The following MCPH1 variants were observed in gnomAD, a reference collection of about 807,000 sequenced individuals.
MCPH1 encodes the protein microcephalin.
MCPH1 carries 104 observed loss-of-function variants against 84.5 expected under a neutral mutation model. The ratio of observed to expected loss-of-function variants is 1.23; its 90% CI spans 1.05 to 1.45. The LOEUF is 1.45. Ranked by LOEUF, MCPH1 falls within the 40% of genes most tolerant of loss-of-function variation. The pLI, the probability that MCPH1 is intolerant of heterozygous loss-of-function variation, is 0.00. For synonymous variants in MCPH1, 514 were observed against 366.8 expected (o/e 1.40, Z -4.58); for missense variants, 1,498 against 1,005.7 (o/e 1.49, Z -6.62).
intron 12 of MCPH1, among the ~76,000 whole-genome samples, chr8:6,590,209 A>C (rs370742147): frequency 0.12 from 18,455 of 151,700 alleles, 1,202 homozygotes; most frequent in African/African-American, 0.15. Context: ...GAACAACAAA[A>C]AAAAAAAAAT....
intron 11 of MCPH1, among the ~76,000 whole-genome samples, chr8:6,485,386 T>C (rs1357387670): frequency 1.3e-5 from 2 of 152,150 alleles, no homozygotes; most frequent in Admixed American, 1.3e-4. Flanking sequence ...GTTTGAGCAC[T>C]GGTAGGACCG....
At chr8:6,468,757 T>A (rs944401611) in intron 9 of MCPH1, among the ~76,000 whole-genome samples, 1 of 151,916 alleles carries the variant, frequency 6.6e-6, no homozygotes, top group Admixed American at 6.6e-5. Context: ...TATTTGAAAC[T>A]GTTTGGAAAA....
intron 12 of MCPH1, among the ~76,000 whole-genome samples, chr8:6,535,036 G>A (rs1820239857): frequency 1.3e-5 from 2 of 152,132 alleles, no homozygotes; most frequent in South Asian, 4.2e-4. Flanking sequence ...CGGGAGGCTT[G>A]GAACTATAGA....
intron 12 of MCPH1, among the ~76,000 whole-genome samples, chr8:6,534,834 G>T (rs1820209835): frequency 6.6e-6 from 1 of 151,986 alleles, no homozygotes; most frequent in Non-Finnish European, 1.5e-5. Flanking sequence ...TTATAAAACT[G>T]TAACTTTTGT....
chr8:6,619,544 G>C (rs1401423186), intron 12 of MCPH1, among the ~76,000 whole-genome samples: 2 of 152,078 alleles, frequency 1.3e-5, no homozygotes, highest in Non-Finnish European at 2.9e-5. Flanking sequence ...ACTCACCTCA[G>C]CCTCCCCAAG....
intron 5 of MCPH1, 80 bp downstream of exon 5, chr8:6,436,242 C>G (rs951883800): frequency 6.9e-7 from 1 of 1,441,094 alleles, no homozygotes; most frequent in South Asian, 1.2e-5. Flanking sequence ...TAGTGGGGTT[C>G]AGCATGAGAG....
chr8:6,429,792 C>T (rs1255619005), intron 3 of MCPH1, among the ~76,000 whole-genome samples: 1 of 152,050 alleles, frequency 6.6e-6, no homozygotes, highest in East Asian at 1.9e-4. Flanking sequence ...CGTCTCCTGC[C>T]ACAGTTATTG....
chr8:6,441,386 T>G (rs556015629), intron 6 of MCPH1, among the ~76,000 whole-genome samples: 7 of 105,106 alleles, frequency 6.7e-5, no homozygotes, highest in African/African-American at 1.8e-4. Context: ...CTTCCTTATC[T>G]TGGTTTATTC....
chr8:6,565,955 G>A (rs1826112403), intron 12 of MCPH1, among the ~76,000 whole-genome samples: 1 of 152,168 alleles, frequency 6.6e-6, no homozygotes, highest in South Asian at 2.1e-4. Context: ...AGAGTCAGGG[G>A]AAGCTCTAGT....
chr8:6,549,271 C>T (rs768592610), intron 12 of MCPH1, among the ~76,000 whole-genome samples: 1 of 152,170 alleles, frequency 6.6e-6, no homozygotes, highest in Admixed American at 6.5e-5. Flanking sequence ...AAACACTGCA[C>T]GGTGATGGAA....
chr8:6,496,399 C>G lies in MCPH1; in HGVS notation c.2137-3453C>G, dbSNP rs1312001006. ...TTCCTTCACTGGTTCACCCACCACT[C>G]ACCTCCTGCTGTGTGGCCCCGTTCC... is the stretch of plus-strand genomic sequence containing the variant. On this transcript the variant is annotated intron_variant, in intron 11 of 13. Coordinates refer to ENST00000344683, the MANE Select transcript of MCPH1 (RefSeq NM_024596.5). Among the ~76,000 whole-genome samples the G allele has an allele frequency of 2.6e-5, 4 of 152,324 alleles. No individual in the cohort carries two copies. The East Asian group carries it at 5.8e-4, about 22-fold the overall frequency.
chr8:6,472,036 A>G (rs938734672), intron 9 of MCPH1, among the ~76,000 whole-genome samples: 2 of 152,232 alleles, frequency 1.3e-5, no homozygotes, highest in African/African-American at 2.4e-5. Context: ...AACAGAGTCA[A>G]CCCAAAAAAG....
At chr8:6,518,433 G>C (rs1456573495) in intron 12 of MCPH1, among the ~76,000 whole-genome samples, 1 of 152,150 alleles carries the variant, frequency 6.6e-6, no homozygotes, top group African/African-American at 2.4e-5. Flanking sequence ...TGGCTTCTAG[G>C]GCGTTAGGGA....
At chr8:6,602,691 C>G (rs1829465899) in intron 12 of MCPH1, among the ~76,000 whole-genome samples, 1 of 152,038 alleles carries the variant, frequency 6.6e-6, no homozygotes, top group Non-Finnish European at 1.5e-5. Flanking sequence ...TTTACAAGCT[C>G]CAGGTATTTG....
intron 3 of MCPH1, among the ~76,000 whole-genome samples, chr8:6,427,403 G>C (rs1236427429): frequency 6.6e-6 from 1 of 152,104 alleles, no homozygotes; most frequent in Non-Finnish European, 1.5e-5. Flanking sequence ...ACAAGGTCTT[G>C]CTTTGTCTCC....
chr8:6,545,063 G>A (rs918452274), intron 12 of MCPH1, among the ~76,000 whole-genome samples: 4 of 152,014 alleles, frequency 2.6e-5, no homozygotes, highest in Admixed American at 2.6e-4. Context: ...ACATCATGTT[G>A]GGTCACAGAA....
At position 6,513,395 on chromosome 8, in the gene MCPH1, C is replaced by G. The variant is rs576319941; in HGVS notation, c.2214+13466C>G. On this transcript the variant is annotated intron_variant, in intron 12 of 13. Coordinates refer to ENST00000344683, the MANE Select transcript of MCPH1 (RefSeq NM_024596.5). ...TCGCCCAGGTTGCAGTGCCGTGGCA[C>G]GATCTCGGCTCACTGCAAGCTCCGC... 6.0e-5 allele frequency among the ~76,000 whole-genome samples: 9 copies of G among 150,644 alleles called. No homozygotes were observed. In the East Asian group the frequency reaches 1.8e-3, roughly 30 times the overall value.
intron 3 of MCPH1, among the ~76,000 whole-genome samples, chr8:6,428,671 A>G (rs1168029356): frequency 6.6e-6 from 1 of 152,190 alleles, no homozygotes; most frequent in Non-Finnish European, 1.5e-5. Flanking sequence ...AAGGTTCAGT[A>G]TGTTGTCATC....
At chr8:6,525,711 A>G (rs1818203881) in intron 12 of MCPH1, among the ~76,000 whole-genome samples, 1 of 152,278 alleles carries the variant, frequency 6.6e-6, no homozygotes, top group Non-Finnish European at 1.5e-5. Flanking sequence ...ATACACCTGT[A>G]AAATCATCAA....
Sources: allele counts gnomAD v4.1 joint callset (sites outside exome capture counted in the v4.1 genomes callset), GRCh38; gene constraint gnomAD v4.1.1; transcripts MANE v1.5; gene names NCBI Gene and HGNC (gene_info 2026-07-23, HGNC 2026-07-21).